ENTREP1: variants seen among roughly 807,000 people sequenced by gnomAD.
The protein encoded by ENTREP1 is Friedreich ataxia region gene X123.
the ENTREP1 span, among the ~76,000 whole-genome samples, chr9:69,331,084 TACAC>T: frequency 6.6e-6 from 1 of 152,054 alleles, no homozygotes; most frequent in Non-Finnish European, 1.5e-5. Context: ...AGGGAAGAAA[TACAC>T]ACACATACAC....
At chr9:69,336,379 T>G in the ENTREP1 span, 1 of 658,430 alleles carries the variant, frequency 1.5e-6, no homozygotes, top group East Asian at 2.8e-5. Flanking sequence ...ATTAAAAAAA[T>G]AAGTTAACAA....
chr9:69,351,388 T>TTGATGA, the ENTREP1 span, among the ~76,000 whole-genome samples: 1,931 of 151,440 alleles, frequency 0.013, 33 homozygotes, highest in African/African-American at 0.04. Flanking sequence ...TCTTATTTCC[T>TTGATGA]TGATGATGAT....
chr9:69,343,340 G>A, the ENTREP1 span, among the ~76,000 whole-genome samples: 166 of 152,326 alleles, frequency 1.1e-3, no homozygotes, highest in African/African-American at 3.7e-3. Flanking sequence ...GCAAAGCTAA[G>A]TTTATAAGAC....
the ENTREP1 span, among the ~76,000 whole-genome samples, chr9:69,366,783 A>G: frequency 3.9e-5 from 6 of 152,062 alleles, no homozygotes; most frequent in African/African-American, 1.2e-4. Flanking sequence ...AGCATCATTT[A>G]TTGAAGAGAG....
the ENTREP1 span, chr9:69,384,103 A>G: frequency 3.6e-6 from 4 of 1,096,482 alleles, no homozygotes; most frequent in Admixed American, 5.7e-5. Context: ...TATCTCTGTA[A>G]TCCCAGCACT....
chr9:69,344,176 A>C, the ENTREP1 span, among the ~76,000 whole-genome samples: 1 of 152,190 alleles, frequency 6.6e-6, no homozygotes, highest in African/African-American at 2.4e-5. Context: ...TTGGGGCAAG[A>C]GGGGAGACCA....
the ENTREP1 span, chr9:69,377,825 T>C: frequency 7.0e-7 from 1 of 1,427,308 alleles, no homozygotes; most frequent in Non-Finnish European, 9.4e-7. Context: ...ACTCACCACA[T>C]GAGATCTCAC....
the ENTREP1 span, among the ~76,000 whole-genome samples, chr9:69,355,613 A>G: frequency 1.3e-5 from 2 of 152,134 alleles, no homozygotes; most frequent in African/African-American, 4.8e-5. Flanking sequence ...CCCAAAACCT[A>G]ATGGTTTCAA....
At chr9:69,354,182 A>T in the ENTREP1 span, among the ~76,000 whole-genome samples, 6 of 151,210 alleles carry the variant, frequency 4.0e-5, no homozygotes, top group African/African-American at 1.5e-4. Flanking sequence ...CCCACATTGC[A>T]CTTAGCTGAT....
the ENTREP1 span, among the ~76,000 whole-genome samples, chr9:69,359,417 C>G: frequency 1.3e-5 from 2 of 152,162 alleles, no homozygotes; most frequent in African/African-American, 4.8e-5. Context: ...AGGGAGGGAC[C>G]AGGTGGAGAT....
the ENTREP1 span, among the ~76,000 whole-genome samples, chr9:69,360,898 C>CAAAAA: frequency 6.7e-6 from 1 of 149,744 alleles, no homozygotes; most frequent in Non-Finnish European, 1.5e-5. Flanking sequence ...ATGTAAATTG[C>CAAAAA]AAAAAAAAAA....
chr9:69,362,917 A>G, the ENTREP1 span, among the ~76,000 whole-genome samples: 2 of 152,168 alleles, frequency 1.3e-5, no homozygotes, highest in African/African-American at 2.4e-5. Context: ...CTTGCACCTC[A>G]GCTTGCAGAC....
chr9:69,385,813 T>C, the ENTREP1 span: 231 of 1,259,766 alleles, frequency 1.8e-4, no homozygotes, highest in East Asian at 6.9e-3. Context: ...ATTCCTAACA[T>C]ACCTGCCGAA....
the ENTREP1 span, among the ~76,000 whole-genome samples, chr9:69,379,334 C>T: frequency 2.2e-4 from 34 of 152,172 alleles, no homozygotes; most frequent in Non-Finnish European, 4.6e-4. Context: ...CTGAACCCTA[C>T]GTCTATACCC....
At chr9:69,363,744 G>T in the ENTREP1 span, among the ~76,000 whole-genome samples, 4 of 152,174 alleles carry the variant, frequency 2.6e-5, no homozygotes, top group Non-Finnish European at 5.9e-5. Flanking sequence ...TTTCCGTCAG[G>T]GGTCCCTGTT....
chr9:69,386,290 T>TA, the ENTREP1 span: 811 of 168,830 alleles, frequency 4.8e-3, 5 homozygotes, highest in Non-Finnish European at 7.9e-3. Context: ...TGCATTGTCT[T>TA]AAAAAAAGTC....
At chr9:69,354,137 C>T in the ENTREP1 span, among the ~76,000 whole-genome samples, 1,117 of 151,640 alleles carry the variant, frequency 7.4e-3, 14 homozygotes, top group African/African-American at 0.026. Flanking sequence ...CATTGTCTTA[C>T]GTATTTTTTT....
the ENTREP1 span, among the ~76,000 whole-genome samples, chr9:69,347,197 G>A: frequency 6.6e-6 from 1 of 152,212 alleles, no homozygotes; most frequent in East Asian, 1.9e-4. Flanking sequence ...CATAGGAAGT[G>A]AGCAGACCAC....
At chr9:69,369,197 A>G in the ENTREP1 span, among the ~76,000 whole-genome samples, 3 of 152,134 alleles carry the variant, frequency 2.0e-5, no homozygotes, top group Non-Finnish European at 2.9e-5. Context: ...TCCATCGTGT[A>G]TATGTGCCAC....
Sources: allele counts gnomAD v4.1 joint callset (sites outside exome capture counted in the v4.1 genomes callset), GRCh38; gene constraint gnomAD v4.1.1; transcripts MANE v1.5; gene names NCBI Gene and HGNC (gene_info 2026-07-23, HGNC 2026-07-21).